Variants in PDE4D observed in about 807,000 individuals in gnomAD.
PDE4D encodes phosphodiesterase 4D.
A neutral mutation model predicts 87.4 loss-of-function variants in PDE4D; 24 were observed. The ratio of observed to expected loss-of-function variants is 0.27; its 90% CI spans 0.20 to 0.39. PDE4D has a LOEUF of 0.39. Ranked by LOEUF, PDE4D falls within the 10% of genes least tolerant of loss-of-function variation. PDE4D has a pLI of 1.00. For synonymous variants in PDE4D, 384 were observed against 383.2 expected (o/e 1.00, Z -0.02); for missense variants, 714 against 1,041.0 (o/e 0.69, Z 4.32).
At chr5:59,085,911 G>C (rs1177246362) in intron 5 of PDE4D, among the ~76,000 whole-genome samples, 1 of 152,160 alleles carries the variant, frequency 6.6e-6, no homozygotes, top group Non-Finnish European at 1.5e-5. Context: ...AAAGAATAAT[G>C]AGAACTTTTC....
chr5:59,167,749 T>C (rs1414049536), intron 5 of PDE4D, among the ~76,000 whole-genome samples: 1 of 152,142 alleles, frequency 6.6e-6, no homozygotes, highest in African/African-American at 2.4e-5. Flanking sequence ...TTTTTGTCAT[T>C]CAACAGAACA....
intron 1 of PDE4D, among the ~76,000 whole-genome samples, chr5:59,803,597 C>A (rs754901373): frequency 6.6e-6 from 1 of 152,174 alleles, no homozygotes; most frequent in Admixed American, 6.5e-5. Flanking sequence ...CCGCACCTGG[C>A]CCCAGCAATG....
At chr5:59,917,297 A>G (rs1316224667) in intron 3 of PDE4D, among the ~76,000 whole-genome samples, 1 of 152,148 alleles carries the variant, frequency 6.6e-6, no homozygotes, top group Non-Finnish European at 1.5e-5. Flanking sequence ...TCATGTTTCC[A>G]AGCTGAACTC....
At chr5:59,779,148 C>A (rs1232552887) in intron 1 of PDE4D, among the ~76,000 whole-genome samples, 5 of 151,062 alleles carry the variant, frequency 3.3e-5, no homozygotes, top group Non-Finnish European at 7.4e-5. Context: ...GGCAACAGAG[C>A]AAGACTCTGT....
chr5:59,781,216 G>A (rs1476464498), intron 1 of PDE4D, among the ~76,000 whole-genome samples: 1 of 149,754 alleles, frequency 6.7e-6, no homozygotes, highest in African/African-American at 2.5e-5. Flanking sequence ...GACCACAAAG[G>A]TAATCAAACC....
chr5:59,300,111 CAAAAAAAAAAAAAAA>C (rs58771016), intron 1 of PDE4D, among the ~76,000 whole-genome samples: 3 of 48,758 alleles, frequency 6.2e-5, no homozygotes, highest in Non-Finnish European at 1.0e-4. Context: ...GGGTCTGTCT[CAAAAAAAAAAAAAAA>C]AAAAAAAAAA....
intron 5 of PDE4D, among the ~76,000 whole-genome samples, chr5:59,084,722 C>A: frequency 6.6e-6 from 1 of 150,984 alleles, no homozygotes; most frequent in East Asian, 1.9e-4. Context: ...CACCTGTCTC[C>A]TAAAAAATAA....
chr5:59,114,412 G>A (rs62356718), intron 5 of PDE4D, among the ~76,000 whole-genome samples: 59,321 of 151,982 alleles, frequency 0.39, 12,937 homozygotes, highest in Middle Eastern at 0.5. Context: ...CACAAATTTA[G>A]AGGAAAAGCT....
At chr5:59,797,590 G>C (rs950503006) in intron 1 of PDE4D, among the ~76,000 whole-genome samples, 3 of 152,144 alleles carry the variant, frequency 2.0e-5, no homozygotes, top group Non-Finnish European at 4.4e-5. Context: ...TAAGGCACCA[G>C]AGACATCCAG....
intron 2 of PDE4D, among the ~76,000 whole-genome samples, chr5:60,093,356 C>T (rs1232309838): frequency 6.6e-6 from 1 of 152,072 alleles, no homozygotes; most frequent in East Asian, 1.9e-4. Flanking sequence ...AGGAGGTGAC[C>T]AAAGGAGGGG....
intron 1 of PDE4D, among the ~76,000 whole-genome samples, chr5:60,301,452 T>C (rs1268650388): frequency 6.6e-6 from 1 of 152,186 alleles, no homozygotes; most frequent in Non-Finnish European, 1.5e-5. Context: ...TTCCTAGGTA[T>C]TTTATTCTTT....
At chr5:60,301,436 G>A (rs1753884571) in intron 1 of PDE4D, among the ~76,000 whole-genome samples, 1 of 152,154 alleles carries the variant, frequency 6.6e-6, no homozygotes, top group African/African-American at 2.4e-5. Flanking sequence ...TCCCTTGCTA[G>A]CTGTATTCCT....
chr5:59,451,895 T>C (rs1287222127), intron 1 of PDE4D, among the ~76,000 whole-genome samples: 1 of 152,238 alleles, frequency 6.6e-6, no homozygotes, highest in Non-Finnish European at 1.5e-5. Context: ...CTTTCTCTTG[T>C]ATGTCACATT....
chr5:59,668,922 A>AAGAAG lies in PDE4D; in HGVS notation c.455+224245_455+224246insCTTCT, dbSNP rs199660442. ...GAAGAAGAAGAAGAAGAAGAAGAAG[A>AAGAAG]AAGAAAGAAAGAATTAGTTCACTGA... On this transcript the variant is annotated intron_variant, in intron 1 of 14. Coordinates refer to ENST00000340635, the MANE Select transcript of PDE4D (RefSeq NM_001104631.2). Among the ~76,000 whole-genome samples, 313 of 56,476 alleles carry AAGAAG rather than the reference A, an allele frequency of 5.5e-3. 6 individuals carry two copies. Among genetic ancestry groups the AAGAAG allele is most frequent in the East Asian group, 0.019 (26 of 1,344 alleles). The allele number at this position is 56,476 out of a possible 152,430, so 37.1% of individuals were successfully genotyped here.
intron 3 of PDE4D, among the ~76,000 whole-genome samples, chr5:59,192,274 A>G (rs1221363079): frequency 2.0e-5 from 3 of 152,234 alleles, no homozygotes; most frequent in African/African-American, 7.2e-5. Flanking sequence ...TCAGCTCTAT[A>G]CATTTAAACC....
intron 3 of PDE4D, among the ~76,000 whole-genome samples, chr5:59,913,863 G>GT (rs920401940): frequency 4.6e-5 from 7 of 151,882 alleles, no homozygotes; most frequent in Non-Finnish European, 8.8e-5. Flanking sequence ...TAAAATCAGG[G>GT]TTTTTTTGGC....
At chr5:58,977,014 G>A (rs1484543028) in intron 12 of PDE4D, among the ~76,000 whole-genome samples, 177 bp downstream of exon 12, 1 of 152,166 alleles carries the variant, frequency 6.6e-6, no homozygotes, top group African/African-American at 2.4e-5. Context: ...ACTGCTAGAA[G>A]TGAAAAACCT....
intron 2 of PDE4D, chr5:60,127,670 G>T (rs137910836): frequency 1.4e-4 from 82 of 594,810 alleles, no homozygotes; most frequent in Non-Finnish European, 1.8e-4. Context: ...AAATCAGGTC[G>T]CAGTAAGCAG....
intron 2 of PDE4D, among the ~76,000 whole-genome samples, chr5:60,105,998 C>T (rs1776861697): frequency 6.6e-6 from 1 of 152,142 alleles, no homozygotes. Flanking sequence ...ATCAACTTCA[C>T]ACATAACAAT....
Sources: allele counts gnomAD v4.1 joint callset (sites outside exome capture counted in the v4.1 genomes callset), GRCh38; gene constraint gnomAD v4.1.1; transcripts MANE v1.5; gene names NCBI Gene and HGNC (gene_info 2026-07-23, HGNC 2026-07-21).